Variants in RGS6 observed in about 807,000 individuals in gnomAD.
RGS6 encodes regulator of G-protein signaling 6.
Under a neutral mutation model 78.5 loss-of-function variants are expected in RGS6, and 30 were observed. The ratio of observed to expected loss-of-function variants is 0.38; its 90% CI spans 0.29 to 0.52. The LOEUF (loss-of-function observed/expected upper bound fraction) is 0.52. Among genes scored for constraint, RGS6 ranks in the 20% least tolerant of loss-of-function variants. The pLI is 0.85. For synonymous variants in RGS6, 206 were observed against 206.0 expected, an observed-to-expected ratio of 1.00 and a Z score of 0.00; for missense variants, 495 against 609.7, an observed-to-expected ratio of 0.81 and a Z score of 1.98.
chr14:71,904,319 A>C, the RGS6 span, among the ~76,000 whole-genome samples: 1 of 152,206 alleles, frequency 6.6e-6, no homozygotes, highest in Non-Finnish European at 1.5e-5. Flanking sequence ...CACCCCTGAC[A>C]CAGGGATTGA....
At chr14:72,502,528 G>T (rs1381627105) in intron 13 of RGS6, among the ~76,000 whole-genome samples, 1 of 152,230 alleles carries the variant, frequency 6.6e-6, no homozygotes, top group Non-Finnish European at 1.5e-5. Context: ...CACTTTGGGA[G>T]GCCGAGGCAA....
chr14:72,369,886 C>T (rs967049533), intron 3 of RGS6, among the ~76,000 whole-genome samples: 42 of 152,156 alleles, frequency 2.8e-4, no homozygotes, highest in African/African-American at 1.0e-3. Flanking sequence ...TTTATACATA[C>T]ATAAAATAAT....
intron 2 of RGS6, among the ~76,000 whole-genome samples, chr14:72,039,102 A>G (rs943143977): frequency 1.3e-5 from 2 of 152,214 alleles, no homozygotes; most frequent in Non-Finnish European, 2.9e-5. Flanking sequence ...TACATTTTAC[A>G]TGTCAAAAGA....
At chr14:72,363,029 T>C (rs1257118961) in intron 3 of RGS6, among the ~76,000 whole-genome samples, 1 of 152,162 alleles carries the variant, frequency 6.6e-6, no homozygotes, top group African/African-American at 2.4e-5. Context: ...TAAAACACAT[T>C]TATGTGTGTA....
rs945946362 is a variant in RGS6 at position 72,470,039 on chromosome 14, G to A, written c.492G>A (p.Ala164=). ...ENLARLQRAF[A]RKWEFIFMQA... ...TAGCAAGACTCCAGAGGGCCTTTGC[G>A]AGGAAGTGGGAATTCATCTTTATGC... The change falls in exon 8 of 18, where the codon GCG becomes GCA. Residue 164 remains alanine, a synonymous_variant. Coordinates refer to ENST00000553525, the MANE Select transcript of RGS6 (RefSeq NM_001204424.2). 19 of 1,613,486 alleles carry A rather than the reference G, an allele frequency of 1.2e-5. No individual in the cohort carries two copies. Among genetic ancestry groups the A allele is most frequent in the East Asian group, 2.2e-5 (1 of 44,846 alleles).
chr14:72,229,552 A>G (rs1248194672), intron 2 of RGS6, among the ~76,000 whole-genome samples: 1 of 152,092 alleles, frequency 6.6e-6, no homozygotes, highest in Non-Finnish European at 1.5e-5. Flanking sequence ...TTGGGGTTTG[A>G]TTCTGGCCAC....
chr14:72,428,715 A>T (rs189683048), intron 3 of RGS6, among the ~76,000 whole-genome samples: 4 of 152,334 alleles, frequency 2.6e-5, no homozygotes, highest in Admixed American at 2.6e-4. Context: ...CTTATCTCTG[A>T]TTTGAGAATA....
intron 2 of RGS6, among the ~76,000 whole-genome samples, chr14:72,100,331 C>CG (rs906613235): frequency 9.2e-5 from 14 of 152,164 alleles, no homozygotes; most frequent in Admixed American, 3.3e-4. Context: ...ATGGTGAAAC[C>CG]TCCTCTCTCC....
intron 7 of RGS6, among the ~76,000 whole-genome samples, chr14:72,466,931 T>A (rs1285310158): frequency 6.6e-6 from 1 of 152,192 alleles, no homozygotes; most frequent in Non-Finnish European, 1.5e-5. Context: ...AATCTAAGGG[T>A]AAAATTCAAT....
intron 2 of RGS6, among the ~76,000 whole-genome samples, chr14:72,194,325 A>C (rs1363917325): frequency 6.6e-6 from 1 of 152,222 alleles, no homozygotes; most frequent in Admixed American, 6.5e-5. Flanking sequence ...GGTAAACAGA[A>C]TAGTCAAAGC....
chr14:72,340,164 AC>A (rs1166266852), intron 2 of RGS6, among the ~76,000 whole-genome samples: 20 of 152,252 alleles, frequency 1.3e-4, no homozygotes, highest in African/African-American at 4.8e-4. Flanking sequence ...GCTCATTTCT[AC>A]CTGATTTTGC....
chr14:72,560,364 G>A (rs2153552402), intron 17 of RGS6, among the ~76,000 whole-genome samples: 1 of 152,258 alleles, frequency 6.6e-6, no homozygotes, highest in East Asian at 1.9e-4. Context: ...AGGTTTGTAA[G>A]AGCTCTCACA....
chr14:72,624,966 T>G, the RGS6 span, among the ~76,000 whole-genome samples: 1 of 152,244 alleles, frequency 6.6e-6, no homozygotes, highest in Non-Finnish European at 1.5e-5. Flanking sequence ...GATTATATAG[T>G]TAAGGTAGTG....
the RGS6 span, among the ~76,000 whole-genome samples, chr14:72,588,293 A>G: frequency 6.6e-6 from 1 of 152,112 alleles, no homozygotes; most frequent in Non-Finnish European, 1.5e-5. Flanking sequence ...TTGTGAGCAT[A>G]TCTGAGACAT....
chr14:71,871,650 T>C, the RGS6 span, among the ~76,000 whole-genome samples: 1 of 152,184 alleles, frequency 6.6e-6, no homozygotes, highest in African/African-American at 2.4e-5. Flanking sequence ...GCAAGCCCAG[T>C]GCCTTGAGGT....
At chr14:71,956,041 T>A (rs1566905229) in intron 1 of RGS6, among the ~76,000 whole-genome samples, 1 of 152,176 alleles carries the variant, frequency 6.6e-6, no homozygotes, top group African/African-American at 2.4e-5. Flanking sequence ...AAATATGAGC[T>A]GGGAAAAGAT....
chr14:72,107,833 G>T (rs1459780790), intron 2 of RGS6, among the ~76,000 whole-genome samples: 1 of 152,006 alleles, frequency 6.6e-6, no homozygotes, highest in African/African-American at 2.4e-5. Flanking sequence ...TTACTCATTT[G>T]CATGCTTCCA....
intron 2 of RGS6, among the ~76,000 whole-genome samples, chr14:72,249,861 C>A (rs2055183895): frequency 6.6e-6 from 1 of 151,868 alleles, no homozygotes; most frequent in African/African-American, 2.4e-5. Context: ...CAATGATAGA[C>A]TGGATTAAGA....
chr14:71,967,250 C>A (rs1033359940), intron 2 of RGS6, among the ~76,000 whole-genome samples: 1 of 150,526 alleles, frequency 6.6e-6, no homozygotes, highest in African/African-American at 2.5e-5. Context: ...ATAAAAGGGA[C>A]ATTGAATTGG....
Sources: allele counts gnomAD v4.1 joint callset (sites outside exome capture counted in the v4.1 genomes callset), GRCh38; gene constraint gnomAD v4.1.1; transcripts MANE v1.5; gene names NCBI Gene and HGNC (gene_info 2026-07-23, HGNC 2026-07-21).